TOX: variants seen among roughly 807,000 people sequenced by gnomAD.
TOX encodes the protein thymocyte selection-associated high mobility group box protein TOX.
In TOX, 11 loss-of-function variants were observed where a neutral mutation model predicts 53.7. That is an observed-to-expected ratio of 0.20 (90% CI 0.13 to 0.34). The LOEUF is 0.34. TOX is among the 10% of genes least tolerant of loss of function. The pLI, the probability that TOX is intolerant of heterozygous loss-of-function variation, is 1.00. For missense variants in TOX, 570 were observed against 664.6 expected (o/e 0.86, Z 1.56); for synonymous variants, 225 against 245.3 (o/e 0.92, Z 0.77).
Position 58,933,346 on chromosome 8 carries a change from T to C in TOX, c.411+5956A>G, listed in dbSNP as rs913972193. On this transcript the variant is annotated intron_variant, in intron 3 of 8. Coordinates refer to ENST00000361421, the MANE Select transcript of TOX (RefSeq NM_014729.3). ...CAGAAGAGAGGCTCTTGATTTCAGTTTGGAGAAATCAAAGGATTTTTCTTC... is the reference window on the plus strand; with the variant it reads ...CAGAAGAGAGGCTCTTGATTTCAGTCTGGAGAAATCAAAGGATTTTTCTTC... Among the ~76,000 whole-genome samples the C allele has an allele frequency of 6.6e-5, 10 of 152,284 alleles. No homozygotes were observed. The South Asian group carries it at 1.2e-3, about 19-fold the overall frequency.
intron 1 of TOX, among the ~76,000 whole-genome samples, chr8:59,115,770 C>T (rs1196946317): frequency 6.6e-6 from 1 of 152,090 alleles, no homozygotes; most frequent in Non-Finnish European, 1.5e-5. Context: ...TAAGAGATGC[C>T]TCACACACTT....
chr8:59,022,024 T>C (rs999003666), intron 1 of TOX, among the ~76,000 whole-genome samples: 2 of 152,192 alleles, frequency 1.3e-5, no homozygotes, highest in African/African-American at 4.8e-5. Context: ...ATGAAGGGAT[T>C]ATTACAGAAA....
intron 7 of TOX, 65 bp downstream of exon 7, chr8:58,815,273 C>T (rs1810153638): frequency 2.0e-6 from 3 of 1,514,276 alleles, no homozygotes; most frequent in Non-Finnish European, 2.7e-6. Context: ...AACAGCTCCC[C>T]CCACCTCCAC....
chr8:58,959,916 C>A, intron 2 of TOX, 27 bp downstream of exon 2: 1 of 1,613,380 alleles, frequency 6.2e-7, no homozygotes. Flanking sequence ...CAATTTGAAA[C>A]AAGGCAGAGA....
intron 1 of TOX, among the ~76,000 whole-genome samples, chr8:59,112,396 G>A (rs1805031614): frequency 6.6e-6 from 1 of 152,140 alleles, no homozygotes; most frequent in African/African-American, 2.4e-5. Context: ...ATCAGAAATT[G>A]CTCTTTGGGA....
chr8:58,923,409 G>A (rs903998936), intron 3 of TOX, among the ~76,000 whole-genome samples: 3 of 152,136 alleles, frequency 2.0e-5, no homozygotes, highest in Admixed American at 6.5e-5. Flanking sequence ...TAAGATGAAC[G>A]AAGGATGAAT....
chr8:59,008,416 T>C (rs1047111812), intron 1 of TOX, among the ~76,000 whole-genome samples: 5 of 152,236 alleles, frequency 3.3e-5, no homozygotes, highest in African/African-American at 1.2e-4. Context: ...GGAAGCAATC[T>C]ATGCTCACTC....
intron 1 of TOX, among the ~76,000 whole-genome samples, chr8:59,073,670 G>A (rs918686387): frequency 2.0e-5 from 3 of 152,040 alleles, no homozygotes; most frequent in Non-Finnish European, 4.4e-5. Context: ...TGCTAGAGAA[G>A]GCTGTTCATG....
intron 1 of TOX, among the ~76,000 whole-genome samples, chr8:59,011,190 T>C (rs1813897598): frequency 6.6e-6 from 1 of 152,236 alleles, no homozygotes; most frequent in South Asian, 2.1e-4. Flanking sequence ...GGACATTGTT[T>C]AACAAAAGCC....
At chr8:58,955,730 C>G (rs1392167442) in intron 2 of TOX, among the ~76,000 whole-genome samples, 2 of 146,910 alleles carry the variant, frequency 1.4e-5, no homozygotes, top group Non-Finnish European at 3.0e-5. Flanking sequence ...TGGAAAAGGA[C>G]ACTTTTTTTT....
intron 3 of TOX, among the ~76,000 whole-genome samples, chr8:58,881,779 GA>G (rs1484208425): frequency 6.7e-6 from 1 of 149,824 alleles, no homozygotes; most frequent in Admixed American, 6.6e-5. Flanking sequence ...TCTAGTTTAG[GA>G]AAGGTGACAT....
intron 3 of TOX, among the ~76,000 whole-genome samples, chr8:58,914,061 C>A (rs10504268): frequency 4.6e-5 from 7 of 152,070 alleles, no homozygotes; most frequent in African/African-American, 1.7e-4. Flanking sequence ...GTGTAAGTGG[C>A]GTTTATCAAA....
At position 59,060,497 on chromosome 8, in the gene TOX, C is replaced by T. The variant is rs144500609; in HGVS notation, c.102+58389G>A. Among the ~76,000 whole-genome samples the T allele has an allele frequency of 3.9e-3, 599 of 152,262 alleles. 3 individuals are homozygous for T. The highest frequency in any genetic ancestry group is 0.014 in the African/African-American group (567 of 41,564). Reference sequence around the variant, plus strand: ...AAAACATTAGCCGGGCGTGCTGGCACGTGCCTGTAGTCCCAGCTACTCAGG... The same window carrying T: ...AAAACATTAGCCGGGCGTGCTGGCATGTGCCTGTAGTCCCAGCTACTCAGG... On this transcript the variant is annotated intron_variant, in intron 1 of 8. Transcript: ENST00000361421.
At chr8:59,109,584 T>C (rs1804976022) in intron 1 of TOX, among the ~76,000 whole-genome samples, 1 of 152,126 alleles carries the variant, frequency 6.6e-6, no homozygotes, top group Non-Finnish European at 1.5e-5. Context: ...TAGCCTTTTA[T>C]AGCCATCAGG....
At chr8:58,952,167 A>G (rs1812632887) in intron 2 of TOX, among the ~76,000 whole-genome samples, 1 of 152,170 alleles carries the variant, frequency 6.6e-6, no homozygotes, top group African/African-American at 2.4e-5. Context: ...TAGGTGGAAA[A>G]CACCTTAGCT....
chr8:58,962,675 A>T (rs921901626), intron 1 of TOX, among the ~76,000 whole-genome samples: 1 of 152,196 alleles, frequency 6.6e-6, no homozygotes, highest in Non-Finnish European at 1.5e-5. Context: ...ATGTGGTGGC[A>T]CATGTCTGTG....
At chr8:58,905,067 G>A (rs1403437186) in intron 3 of TOX, among the ~76,000 whole-genome samples, 1 of 152,100 alleles carries the variant, frequency 6.6e-6, no homozygotes. Context: ...TGAGTAGCTG[G>A]GACTACAGGC....
At chr8:58,857,113 T>C (rs1233282822) in intron 3 of TOX, among the ~76,000 whole-genome samples, 2 of 152,190 alleles carry the variant, frequency 1.3e-5, no homozygotes, top group Admixed American at 1.3e-4. Context: ...TCAATACATA[T>C]TTCTTGAGTT....
At chr8:59,012,286 A>T (rs1813921433) in intron 1 of TOX, among the ~76,000 whole-genome samples, 1 of 152,244 alleles carries the variant, frequency 6.6e-6, no homozygotes, top group East Asian at 1.9e-4. Flanking sequence ...TGTTTGTAGA[A>T]AGGATGGAGG....
Sources: gnomAD v4.1 joint callset for allele counts (sites outside exome capture counted in the v4.1 genomes callset) on GRCh38, gnomAD v4.1.1 for gene constraint, MANE v1.5 for transcripts, NCBI Gene and HGNC (gene_info 2026-07-23, HGNC 2026-07-21) for gene names.